PPP1R42: variants seen among roughly 807,000 people sequenced by gnomAD.
PPP1R42 encodes protein phosphatase 1 regulatory subunit 42, also known as leucine rich repeat containing 67.
In PPP1R42, 34 loss-of-function variants were observed where a neutral mutation model predicts 31.0. The observed-to-expected ratio is 1.10, with a 90% confidence interval of 0.83 to 1.46. The LOEUF is 1.46. PPP1R42 is among the 40% of genes most tolerant of loss of function. The pLI is 0.00. For missense variants in PPP1R42, 268 were observed against 303.0 expected (o/e 0.88, Z 0.86); for synonymous variants, 103 against 109.8 (o/e 0.94, Z 0.39).
intron 1 of PPP1R42, among the ~76,000 whole-genome samples, chr8:67,025,665 T>C (rs186280378): frequency 6.6e-6 from 1 of 151,732 alleles, no homozygotes; most frequent in Admixed American, 6.6e-5. Context: ...TCATAAGAAA[T>C]GGAGACCCAA....
At chr8:67,009,264 C>T (rs759427729) in intron 5 of PPP1R42, among the ~76,000 whole-genome samples, 5 of 147,430 alleles carry the variant, frequency 3.4e-5, no homozygotes, top group African/African-American at 7.5e-5. Context: ...AGTGAGACTC[C>T]GTCTCAAAAA....
intron 6 of PPP1R42, chr8:66,984,699 T>G: frequency 6.3e-7 from 1 of 1,587,900 alleles, no homozygotes; most frequent in Non-Finnish European, 8.6e-7. Context: ...CTTCATGCAA[T>G]TTCTGTCTTT....
At chr8:66,979,773 A>G (rs1814776524) in intron 7 of PPP1R42, among the ~76,000 whole-genome samples, 1 of 151,930 alleles carries the variant, frequency 6.6e-6, no homozygotes, top group African/African-American at 2.4e-5. Context: ...TTTTATAGGG[A>G]TTGCATTGTA....
At chr8:67,025,974 C>T (rs952706539) in intron 1 of PPP1R42, among the ~76,000 whole-genome samples, 1 of 146,198 alleles carries the variant, frequency 6.8e-6, no homozygotes, top group Admixed American at 6.9e-5. Context: ...CACTACGCTC[C>T]AGCCTGGGCG....
intron 7 of PPP1R42, among the ~76,000 whole-genome samples, chr8:66,979,836 C>G (rs1457787665): frequency 6.6e-6 from 1 of 151,928 alleles, no homozygotes; most frequent in Non-Finnish European, 1.5e-5. Context: ...AATTTAAAGA[C>G]ATATTATTAT....
At chr8:67,010,535 CTA>C (rs1815810774) in intron 5 of PPP1R42, 178 bp downstream of exon 5, 1 of 543,276 alleles carries the variant, frequency 1.8e-6, no homozygotes, top group East Asian at 3.3e-5. Flanking sequence ...AAGGAGAAAA[CTA>C]AATAAGAGGA....
chr8:67,014,337 T>C (rs1218967022), intron 3 of PPP1R42, 89 bp downstream of exon 3: 4 of 693,520 alleles, frequency 5.8e-6, no homozygotes, highest in Non-Finnish European at 8.9e-6. Context: ...TGGAATTTAA[T>C]GCAAAAAATG....
chr8:67,022,914 T>A (rs988020079), intron 1 of PPP1R42, among the ~76,000 whole-genome samples: 3 of 152,202 alleles, frequency 2.0e-5, no homozygotes, highest in Non-Finnish European at 2.9e-5. Flanking sequence ...ATTTTTCATT[T>A]CATGAAAAGT....
chr8:66,989,399 T>A (rs1815125239), intron 5 of PPP1R42, among the ~76,000 whole-genome samples: 1 of 152,208 alleles, frequency 6.6e-6, no homozygotes, highest in Non-Finnish European at 1.5e-5. Context: ...CTGTTATGTC[T>A]TGCTTTCTCC....
intron 6 of PPP1R42, among the ~76,000 whole-genome samples, chr8:66,982,801 G>T (rs1469324255): frequency 6.6e-6 from 1 of 151,918 alleles, no homozygotes; most frequent in East Asian, 1.9e-4. Context: ...TTTGAGACAG[G>T]ATCTCACTCT....
At chr8:67,025,367 T>C (rs1448748079) in intron 1 of PPP1R42, among the ~76,000 whole-genome samples, 1 of 150,746 alleles carries the variant, frequency 6.6e-6, no homozygotes, top group Non-Finnish European at 1.5e-5. Flanking sequence ...CTGCTTTGGC[T>C]TTTCAAAGTG....
chr8:67,013,101 A>C lies in PPP1R42; in HGVS notation c.297-5T>G. On this transcript the variant is annotated splice_polypyrimidine_tract_variant and splice_region_variant and intron_variant, in intron 3 of 7. Coordinates refer to ENST00000685739, the MANE Select transcript of PPP1R42 (RefSeq NM_001364910.1). ...ATGTAATTGCCTCCCAGATACCTGC[A>C]AAACATAGACATAATTCTAAACAGA... is the stretch of plus-strand genomic sequence containing the variant. 1 of 1,587,942 alleles carries C rather than the reference A, an allele frequency of 6.3e-7. No homozygotes were observed. Among genetic ancestry groups the C allele is most frequent in the South Asian group, 1.2e-5 (1 of 84,724 alleles).
chr8:67,023,910 T>G (rs945908662), intron 1 of PPP1R42, among the ~76,000 whole-genome samples: 19 of 151,976 alleles, frequency 1.3e-4, no homozygotes, highest in South Asian at 2.1e-4. Context: ...TTTGGGAGGC[T>G]GAGGTGGGCA....
Position 66,964,125 on chromosome 8 carries a change from T to G in PPP1R42, c.*196A>C. On this transcript the variant is annotated 3_prime_UTR_variant, in exon 8 of 8. Coordinates refer to ENST00000685739, the MANE Select transcript of PPP1R42 (RefSeq NM_001364910.1). Reference sequence around the variant, plus strand: ...AACTTAAAAGTTTTTCCTTATATTATGAGATACCATAAAGCTACAAACCCA... The same window carrying G: ...AACTTAAAAGTTTTTCCTTATATTAGGAGATACCATAAAGCTACAAACCCA... The G allele has an allele frequency of 2.5e-6, 1 of 407,926 alleles. No individual in the cohort carries two copies. The highest frequency in any genetic ancestry group is 4.7e-6 in the Non-Finnish European group (1 of 212,740). The allele number at this position is 407,926 out of a possible 1,614,324, so 25.3% of individuals were successfully genotyped here.
At chr8:67,011,050 A>G (rs528645037) in intron 4 of PPP1R42, among the ~76,000 whole-genome samples, 6 of 152,230 alleles carry the variant, frequency 3.9e-5, no homozygotes, top group Admixed American at 1.3e-4. Flanking sequence ...CGTTCTCCCT[A>G]TAATTCCTCC....
intron 5 of PPP1R42, among the ~76,000 whole-genome samples, chr8:66,991,639 T>C (rs1396067010): frequency 1.3e-5 from 2 of 152,224 alleles, no homozygotes; most frequent in Non-Finnish European, 2.9e-5. Flanking sequence ...TTTTCCATTT[T>C]TCTCAACAAA....
chr8:66,988,282 T>C (rs993864929), intron 6 of PPP1R42, 118 bp downstream of exon 6: 1 of 1,263,384 alleles, frequency 7.9e-7, no homozygotes, highest in African/African-American at 1.5e-5. Flanking sequence ...GAATTTAAAG[T>C]TGACAATTTT....
chr8:67,019,075 A>G (rs1007117012), intron 1 of PPP1R42, among the ~76,000 whole-genome samples: 5 of 148,090 alleles, frequency 3.4e-5, no homozygotes, highest in Non-Finnish European at 6.0e-5. Flanking sequence ...AGCTCAGGCA[A>G]TTGGCCTGCC....
intron 5 of PPP1R42, among the ~76,000 whole-genome samples, chr8:66,992,565 C>G (rs757235837): frequency 9.9e-5 from 15 of 152,192 alleles, no homozygotes; most frequent in Non-Finnish European, 1.9e-4. Context: ...GAGCATATGT[C>G]CCTGGTGGGA....
Sources: gnomAD v4.1 joint callset for allele counts (sites outside exome capture counted in the v4.1 genomes callset) on GRCh38, gnomAD v4.1.1 for gene constraint, MANE v1.5 for transcripts, NCBI Gene and HGNC (gene_info 2026-07-23, HGNC 2026-07-21) for gene names.